The following FIG4 variants were observed in gnomAD, a reference collection of about 807,000 sequenced individuals.
The protein encoded by FIG4 is polyphosphoinositide phosphatase.
FIG4 carries 112 observed loss-of-function variants against 118.6 expected under a neutral mutation model. That is an observed-to-expected ratio of 0.94 (90% CI 0.81 to 1.11). The LOEUF is 1.11. FIG4 is among the 50% of genes least tolerant of loss of function. The pLI, the probability that FIG4 is intolerant of heterozygous loss-of-function variation, is 0.00. For missense variants in FIG4, 969 were observed against 1,111.7 expected (o/e 0.87, Z 1.83); for synonymous variants, 369 against 381.2 (o/e 0.97, Z 0.37).
intron 18 of FIG4, among the ~76,000 whole-genome samples, chr6:109,787,601 G>T (rs1036719796): frequency 2.6e-5 from 4 of 152,154 alleles, no homozygotes; most frequent in African/African-American, 9.7e-5. Flanking sequence ...TAAATGAAAT[G>T]ATGTCGGAAA....
chr6:109,786,289 G>A lies in FIG4; in HGVS notation c.1949-13G>A. 1 of 1,608,282 alleles carries A rather than the reference G, an allele frequency of 6.2e-7. No homozygotes were observed. The highest frequency in any genetic ancestry group is 2.2e-5 in the East Asian group (1 of 44,846). ...TCTCAGACTTTTAGAGTAACATGCA[G>A]TATCTCTCTTAGTTATCTGTGCTGT... is the stretch of plus-strand genomic sequence containing the variant. On this transcript the variant is annotated splice_polypyrimidine_tract_variant and intron_variant, in intron 17 of 22. Transcript: ENST00000230124.
intron 15 of FIG4, among the ~76,000 whole-genome samples, chr6:109,774,532 T>C (rs887055621): frequency 2.0e-5 from 3 of 152,042 alleles, no homozygotes; most frequent in African/African-American, 7.2e-5. Flanking sequence ...CTATATATAT[T>C]ATATAGATAT....
chr6:109,760,197 T>C, intron 10 of FIG4, 53 bp from the exon 11 acceptor site: 1 of 1,509,054 alleles, frequency 6.6e-7, no homozygotes, highest in East Asian at 2.3e-5. Flanking sequence ...GTTGAGCCTG[T>C]TCCTCTGATT....
chr6:109,703,883 C>T (rs766290276), intron 1 of FIG4, among the ~76,000 whole-genome samples: 1 of 152,224 alleles, frequency 6.6e-6, no homozygotes, highest in Non-Finnish European at 1.5e-5. Flanking sequence ...TCCTCCCAAT[C>T]TTCTCAGCTG....
chr6:109,705,087 A>AT (rs1388897073), intron 1 of FIG4, among the ~76,000 whole-genome samples: 2 of 152,104 alleles, frequency 1.3e-5, no homozygotes, highest in Admixed American at 1.3e-4. Context: ...GTCTTTGAAG[A>AT]TTTTTTTAAA....
intron 4 of FIG4, among the ~76,000 whole-genome samples, chr6:109,730,594 A>G (rs1775967745): frequency 6.6e-6 from 1 of 152,210 alleles, no homozygotes; most frequent in South Asian, 2.1e-4. Flanking sequence ...ATGGGGGTCA[A>G]TGAACAGTGT....
Position 109,777,576 on chromosome 6 carries a change from T to G in FIG4, c.1889+516T>G, listed in dbSNP as rs550552309. ...TTTCAAGTGTGACAGCTAAGCAGCA[T>G]GTACCTTGTAATTCCAATATTCTCT... On this transcript the variant is annotated intron_variant, in intron 16 of 22. Coordinates refer to ENST00000230124, the MANE Select transcript of FIG4 (RefSeq NM_014845.6). Among the ~76,000 whole-genome samples, 5 of 152,330 alleles carry G rather than the reference T, an allele frequency of 3.3e-5. No homozygotes were observed. The South Asian group carries it at 8.3e-4, about 25-fold the overall frequency.
intron 1 of FIG4, among the ~76,000 whole-genome samples, chr6:109,709,645 T>C (rs1369964323): frequency 6.6e-6 from 1 of 152,230 alleles, no homozygotes; most frequent in Non-Finnish European, 1.5e-5. Flanking sequence ...CTTTGAGCAG[T>C]GGTTTGTAGT....
At chr6:109,704,891 T>G (rs1021650766) in intron 1 of FIG4, among the ~76,000 whole-genome samples, 6 of 152,052 alleles carry the variant, frequency 3.9e-5, no homozygotes, top group South Asian at 2.1e-4. Flanking sequence ...GGAATATAAA[T>G]TGTACATATA....
chr6:109,771,836 A>G (rs986286189), intron 15 of FIG4, among the ~76,000 whole-genome samples: 4 of 151,972 alleles, frequency 2.6e-5, no homozygotes, highest in African/African-American at 9.7e-5. Flanking sequence ...TGTGTTCCCT[A>G]ACTATATGCT....
At chr6:109,744,630 T>C (rs1583672872) in intron 10 of FIG4, among the ~76,000 whole-genome samples, 1 of 152,072 alleles carries the variant, frequency 6.6e-6, no homozygotes, top group African/African-American at 2.4e-5. Context: ...TAGTCAGTCA[T>C]TTATTTTTAT....
rs1774421532 is a variant in FIG4 at position 109,691,627 on chromosome 6, AAC to A, written c.66+130_66+131del. 9 of 920,306 alleles carry A rather than the reference AAC, an allele frequency of 9.8e-6. No homozygotes were observed. In the South Asian group the frequency reaches 1.0e-4, roughly 10 times the overall value. The allele number at this position is 920,306 out of a possible 1,614,324, so 57.0% of individuals were successfully genotyped here. A position where few individuals can be genotyped will look rare whatever the true frequency, so the allele number is the denominator to read the frequency against. ...CTCTCCAGTTCCCAAATCCCTGTCA[AAC>A]ACAGCCTTGGGGTAAGCTAGCTCCC... On this transcript the variant is annotated intron_variant, in intron 1 of 22. Transcript: ENST00000230124.
chr6:109,766,802 C>T lies in FIG4; in HGVS notation c.1657C>T (p.Arg553Cys). 2.5e-6 allele frequency: 4 copies of T among 1,613,514 alleles called. No individual in the cohort carries two copies. The highest frequency in any genetic ancestry group is 3.4e-6 in the Non-Finnish European group (4 of 1,179,526). Residue 553 changes from arginine (R) to cysteine (C), a missense_variant, in exon 15 of 23, where the codon CGT becomes TGT. Transcript: ENST00000230124. ...GTATGGTGGTTCTCAACTTGTTCAT[C>T]GTGTGAAAACCTACAGAAAGATAGC... is the stretch of plus-strand genomic sequence containing the variant. ...LQYGGSQLVH[R>C]VKTYRKIAPW... is the part of the protein sequence containing the mutation.
intron 22 of FIG4, among the ~76,000 whole-genome samples, chr6:109,809,049 A>G (rs1359723122): frequency 6.6e-6 from 1 of 152,234 alleles, no homozygotes; most frequent in Non-Finnish European, 1.5e-5. Flanking sequence ...TGAGAAGTTC[A>G]TTGATATAGT....
intron 15 of FIG4, among the ~76,000 whole-genome samples, chr6:109,775,066 G>A (rs1421439872): frequency 2.0e-5 from 3 of 152,134 alleles, no homozygotes; most frequent in African/African-American, 7.2e-5. Flanking sequence ...CTGTTTGAAT[G>A]GTATTTGGTG....
chr6:109,725,996 T>G (rs1314237045), intron 3 of FIG4, among the ~76,000 whole-genome samples: 1 of 152,224 alleles, frequency 6.6e-6, no homozygotes, highest in African/African-American at 2.4e-5. Flanking sequence ...ATTCTGGATA[T>G]TAGCCCTTTG....
intron 10 of FIG4, among the ~76,000 whole-genome samples, chr6:109,754,759 T>G (rs899753412): frequency 1.3e-5 from 2 of 152,186 alleles, no homozygotes; most frequent in Non-Finnish European, 2.9e-5. Flanking sequence ...TGATGGTAGT[T>G]TGTATTTCTG....
intron 3 of FIG4, among the ~76,000 whole-genome samples, chr6:109,723,041 C>T (rs1775659367): frequency 6.6e-6 from 1 of 152,194 alleles, no homozygotes; most frequent in African/African-American, 2.4e-5. Flanking sequence ...AGGCCATGAT[C>T]CAAATGCCAC....
chr6:109,732,623 T>TG lies in FIG4; in HGVS notation c.447-14_447-13insG, dbSNP rs1312654340. On this transcript the variant is annotated splice_polypyrimidine_tract_variant and intron_variant, in intron 4 of 22. Transcript: ENST00000230124. ...ATTGGACAAATGAAATGTACTTTGT[T>TG]TTTTTTTTTTTAGGTATCTACGAAT... 10 of 1,295,338 alleles carry TG rather than the reference T, an allele frequency of 7.7e-6. No homozygotes were observed. In the East Asian group the frequency reaches 1.4e-4, roughly 18 times the overall value. The allele number at this position is 1,295,338 out of a possible 1,614,324, so 80.2% of individuals were successfully genotyped here.
Sources: gnomAD v4.1 joint callset for allele counts (sites outside exome capture counted in the v4.1 genomes callset) on GRCh38, gnomAD v4.1.1 for gene constraint, MANE v1.5 for transcripts, NCBI Gene and HGNC (gene_info 2026-07-23, HGNC 2026-07-21) for gene names.